The following DNAH6 variants were observed in gnomAD, a reference collection of about 807,000 sequenced individuals.
DNAH6 encodes dynein axonemal heavy chain 6.
Under a neutral mutation model 491.4 loss-of-function variants are expected in DNAH6, and 340 were observed. The ratio of observed to expected loss-of-function variants is 0.69; its 90% CI spans 0.63 to 0.76. The LOEUF (loss-of-function observed/expected upper bound fraction) is 0.76, where lower values mean the gene tolerates loss of function less well. Ranked by LOEUF, DNAH6 falls within the 30% of genes least tolerant of loss-of-function variation. The probability of loss-of-function intolerance (pLI) is 0.00; values close to 1 mark genes in which losing one functional copy is unlikely to be tolerated. For synonymous variants in DNAH6, 1,603 were observed against 1,686.1 expected, an observed-to-expected ratio of 0.95 and a Z score of 1.21; for missense variants, 4,443 against 4,972.2, an observed-to-expected ratio of 0.89 and a Z score of 3.20.
the DNAH6 span, among the ~76,000 whole-genome samples, chr2:84,474,502 T>G: frequency 6.6e-6 from 1 of 152,202 alleles, no homozygotes; most frequent in Non-Finnish European, 1.5e-5. Context: ...AGGTTCTGAT[T>G]GGCCATTTTT....
intron 29 of DNAH6, among the ~76,000 whole-genome samples, chr2:84,632,491 G>A (rs964634625): frequency 6.6e-6 from 1 of 152,180 alleles, no homozygotes; most frequent in African/African-American, 2.4e-5. Flanking sequence ...TTAGCAAAGA[G>A]TCTGTGTCAC....
upstream of DNAH6, among the ~76,000 whole-genome samples, chr2:84,514,685 A>G (rs1675467579): frequency 6.6e-6 from 1 of 152,212 alleles, no homozygotes; most frequent in Admixed American, 6.5e-5. Context: ...AACTATAAAA[A>G]TAGCAGGCTA....
In DNAH6 at chr2:84,677,146, G is replaced by A. The variant is rs187926225; in HGVS notation, c.6744+10G>A. ...GAAACAGATTTTTCAGGTGAGTGTC[G>A]ATTTTAACTTAGGCAACAGGAGGAA... On this transcript the variant is annotated intron_variant, in intron 41 of 76. Transcript: ENST00000389394. The A allele has an allele frequency of 4.1e-5, 63 of 1,551,444 alleles. No homozygotes were observed. In the Admixed American group the frequency reaches 5.9e-4, roughly 14 times the overall value.
chr2:84,734,857 T>G (rs999107476), intron 62 of DNAH6, among the ~76,000 whole-genome samples: 2 of 152,220 alleles, frequency 1.3e-5, no homozygotes, highest in African/African-American at 4.8e-5. Context: ...CACTCTTTAC[T>G]CTGAATAATG....
intron 63 of DNAH6, among the ~76,000 whole-genome samples, chr2:84,755,538 T>C (rs1673926468): frequency 6.6e-6 from 1 of 152,208 alleles, no homozygotes; most frequent in Admixed American, 6.5e-5. Flanking sequence ...TTGGTTTTAA[T>C]AGTTTTTGAG....
chr2:84,645,938 G>A (rs1689849349), intron 33 of DNAH6, among the ~76,000 whole-genome samples: 1 of 152,114 alleles, frequency 6.6e-6, no homozygotes, highest in African/African-American at 2.4e-5. Flanking sequence ...CCAAAGTTGA[G>A]GGCAGAGGTA....
At chr2:84,807,865 C>T (rs1573871500) in intron 71 of DNAH6, among the ~76,000 whole-genome samples, 1 of 152,310 alleles carries the variant, frequency 6.6e-6, no homozygotes, top group Non-Finnish European at 1.5e-5. Context: ...ATCCTCTTCC[C>T]TCTCAACCCC....
chr2:84,599,227 G>GT (rs930041184), intron 18 of DNAH6, among the ~76,000 whole-genome samples: 1 of 69,732 alleles, frequency 1.4e-5, no homozygotes, highest in Admixed American at 1.9e-4. Context: ...CTGCATAAAA[G>GT]TTTTTTTTCA....
intron 29 of DNAH6, among the ~76,000 whole-genome samples, chr2:84,632,233 G>A (rs1688474638): frequency 6.6e-6 from 1 of 152,176 alleles, no homozygotes; most frequent in Non-Finnish European, 1.5e-5. Context: ...CTGGGGCAAT[G>A]CACCACAGTA....
chr2:84,801,405 G>A (rs1678899136), intron 70 of DNAH6, among the ~76,000 whole-genome samples: 1 of 152,092 alleles, frequency 6.6e-6, no homozygotes, highest in Admixed American at 6.5e-5. Flanking sequence ...TACTGTATGA[G>A]CTGACCATCC....
At chr2:84,644,510 G>A (rs546242473) in intron 33 of DNAH6, among the ~76,000 whole-genome samples, 1 of 152,058 alleles carries the variant, frequency 6.6e-6, no homozygotes, top group South Asian at 2.1e-4. Flanking sequence ...GTGCCATGGT[G>A]GTTTGCTGCA....
upstream of DNAH6, among the ~76,000 whole-genome samples, chr2:84,513,345 T>C (rs59147584): frequency 0.012 from 1,833 of 152,216 alleles, 38 homozygotes; most frequent in African/African-American, 0.042. Context: ...TAGGTTGTAT[T>C]TGTTTGTTGC....
intron 63 of DNAH6, among the ~76,000 whole-genome samples, chr2:84,756,977 G>T (rs1674093363): frequency 6.6e-6 from 1 of 152,196 alleles, no homozygotes; most frequent in Admixed American, 6.5e-5. Context: ...TCCTAGCAAA[G>T]AACTTGGTGA....
intron 69 of DNAH6, among the ~76,000 whole-genome samples, 157 bp from the exon 70 acceptor site, chr2:84,797,380 A>G (rs892767175): frequency 1.3e-5 from 2 of 152,260 alleles, no homozygotes; most frequent in African/African-American, 4.8e-5. Context: ...AACTAGACAC[A>G]GCAATGAAAG....
chr2:84,551,620 C>A (rs1296520499), intron 9 of DNAH6, among the ~76,000 whole-genome samples: 1 of 152,138 alleles, frequency 6.6e-6, no homozygotes, highest in Non-Finnish European at 1.5e-5. Context: ...TCACACATTT[C>A]AGATTTTTCC....
At chr2:84,471,204 A>C in the DNAH6 span, among the ~76,000 whole-genome samples, 45 of 151,946 alleles carry the variant, frequency 3.0e-4, no homozygotes, top group Admixed American at 1.3e-3. Flanking sequence ...GTAAAGGAGA[A>C]GGTATCATTA....
At chr2:84,771,573 G>T (rs2105177853) in intron 64 of DNAH6, among the ~76,000 whole-genome samples, 1 of 152,226 alleles carries the variant, frequency 6.6e-6, no homozygotes, top group Admixed American at 6.5e-5. Context: ...CCTGAAAGCA[G>T]CAAGAGAGAA....
intron 48 of DNAH6, among the ~76,000 whole-genome samples, chr2:84,700,531 T>C (rs950427438): frequency 3.9e-5 from 6 of 152,224 alleles, no homozygotes; most frequent in African/African-American, 1.4e-4. Flanking sequence ...AAAACTGATA[T>C]ATTAGAAAAT....
intron 39 of DNAH6, among the ~76,000 whole-genome samples, chr2:84,671,326 C>T (rs1468873343): frequency 6.6e-6 from 1 of 152,150 alleles, no homozygotes; most frequent in African/African-American, 2.4e-5. Context: ...TGGAAGTTTC[C>T]CTGAGGGTGG....
Sources: gnomAD v4.1 joint callset for allele counts (sites outside exome capture counted in the v4.1 genomes callset) on GRCh38, gnomAD v4.1.1 for gene constraint, MANE v1.5 for transcripts, NCBI Gene and HGNC (gene_info 2026-07-23, HGNC 2026-07-21) for gene names.